Variants in VPS13B observed in about 807,000 individuals in gnomAD.
The protein encoded by VPS13B is vacuolar protein sorting 13 homolog B.
In VPS13B, 285 loss-of-function variants were observed where a neutral mutation model predicts 426.4. The ratio of observed to expected loss-of-function variants is 0.67; its 90% CI spans 0.61 to 0.74. The LOEUF (loss-of-function observed/expected upper bound fraction) is 0.74, where lower values mean the gene tolerates loss of function less well. Among genes scored for constraint, VPS13B ranks in the 30% least tolerant of loss-of-function variants. VPS13B has a pLI of 0.00. For missense variants in VPS13B, 4,537 were observed against 4,782.6 expected (o/e 0.95, Z 1.51); for synonymous variants, 1,676 against 1,676.4 (o/e 1.00, Z 0.01).
chr8:99,810,657 C>G (rs891204775), intron 44 of VPS13B, among the ~76,000 whole-genome samples: 1 of 152,088 alleles, frequency 6.6e-6, no homozygotes, highest in Non-Finnish European at 1.5e-5. Flanking sequence ...TTATTGATTG[C>G]CTAAAGTGGA....
intron 17 of VPS13B, among the ~76,000 whole-genome samples, chr8:99,242,103 C>A (rs1172723318): frequency 1.3e-5 from 2 of 152,078 alleles, no homozygotes; most frequent in Admixed American, 6.6e-5. Flanking sequence ...GCCTCAGCCT[C>A]CCAAGTAGCT....
chr8:99,045,178 GA>G (rs1214806370), intron 3 of VPS13B, among the ~76,000 whole-genome samples: 1 of 152,146 alleles, frequency 6.6e-6, no homozygotes, highest in Non-Finnish European at 1.5e-5. Context: ...CAGCAGTGTA[GA>G]AGTGTTCCTG....
At chr8:99,793,071 G>A (rs1027908600) in intron 43 of VPS13B, among the ~76,000 whole-genome samples, 64 of 150,548 alleles carry the variant, frequency 4.3e-4, no homozygotes, top group African/African-American at 1.4e-3. Context: ...AGGCATGGTG[G>A]TGCACACCTG....
intron 33 of VPS13B, among the ~76,000 whole-genome samples, chr8:99,589,624 G>C (rs1047133794): frequency 6.6e-6 from 1 of 151,636 alleles, no homozygotes. Flanking sequence ...ATTTCGGTTG[G>C]TTCCAAGTCT....
intron 36 of VPS13B, among the ~76,000 whole-genome samples, chr8:99,715,681 A>T (rs1305108437): frequency 6.6e-6 from 1 of 152,220 alleles, no homozygotes; most frequent in Non-Finnish European, 1.5e-5. Context: ...GTGGGGTTGT[A>T]CAAAGATATG....
At chr8:99,186,732 C>T (rs530155121) in intron 16 of VPS13B, among the ~76,000 whole-genome samples, 1 of 151,998 alleles carries the variant, frequency 6.6e-6, no homozygotes, top group South Asian at 2.1e-4. Context: ...AAAGACATAT[C>T]CTGTGTGTAT....
intron 3 of VPS13B, among the ~76,000 whole-genome samples, chr8:99,044,853 T>TACACACACACACACAC (rs60056711): frequency 1.5e-4 from 21 of 139,886 alleles, no homozygotes; most frequent in African/African-American, 5.2e-4. Context: ...TTCCATTTTA[T>TACACACACACACACAC]ACACACACAC....
intron 8 of VPS13B, among the ~76,000 whole-genome samples, chr8:99,122,125 C>T (rs978827242): frequency 2.0e-5 from 3 of 151,402 alleles, no homozygotes; most frequent in Admixed American, 1.3e-4. Context: ...TCCCAATGTG[C>T]TAGGATTACA....
At chr8:99,500,072 G>A (rs2133605562) in intron 25 of VPS13B, among the ~76,000 whole-genome samples, 1 of 152,214 alleles carries the variant, frequency 6.6e-6, no homozygotes, top group African/African-American at 2.4e-5. Context: ...GTTTTGTACA[G>A]GATTTTAATT....
intron 35 of VPS13B, among the ~76,000 whole-genome samples, chr8:99,670,721 G>A (rs1830679738): frequency 6.6e-6 from 1 of 151,954 alleles, no homozygotes; most frequent in South Asian, 2.1e-4. Flanking sequence ...ATATATAAGT[G>A]AAATCATGCA....
intron 19 of VPS13B, among the ~76,000 whole-genome samples, chr8:99,350,109 G>C (rs1453001498): frequency 2.0e-5 from 3 of 152,096 alleles, no homozygotes; most frequent in African/African-American, 7.2e-5. Context: ...AGATATGAAG[G>C]AATTCGTGTA....
chr8:99,553,827 T>C (rs908016329), intron 30 of VPS13B, among the ~76,000 whole-genome samples: 1 of 152,066 alleles, frequency 6.6e-6, no homozygotes, highest in Non-Finnish European at 1.5e-5. Context: ...ATATCAAATA[T>C]ATAGTTTAAT....
chr8:99,276,960 A>G (rs912550629), intron 19 of VPS13B, among the ~76,000 whole-genome samples: 2 of 152,090 alleles, frequency 1.3e-5, no homozygotes, highest in African/African-American at 4.8e-5. Context: ...TAATAAGTTG[A>G]GTGTATTTAA....
chr8:99,788,383 T>TAAAAAAA (rs5893498), intron 43 of VPS13B, among the ~76,000 whole-genome samples: 2 of 102,910 alleles, frequency 1.9e-5, no homozygotes, highest in Non-Finnish European at 4.0e-5. Flanking sequence ...GACCCCATCT[T>TAAAAAAA]AAAAAAAAAA....
chr8:99,756,391 C>A (rs1447546115), intron 39 of VPS13B, among the ~76,000 whole-genome samples: 1 of 152,028 alleles, frequency 6.6e-6, no homozygotes, highest in Non-Finnish European at 1.5e-5. Flanking sequence ...CCAATATATG[C>A]ATAGGGGAAG....
chr8:99,697,137 C>T, intron 35 of VPS13B: 1 of 533,062 alleles, frequency 1.9e-6, no homozygotes, highest in Admixed American at 2.8e-5. Context: ...CAAGTCCATA[C>T]TGCAGACTCT....
In VPS13B at chr8:99,781,680, C is replaced by A. The variant is rs1233582702; in HGVS notation, c.7780-2635C>A. Among the ~76,000 whole-genome samples the A allele has an allele frequency of 2.6e-5, 4 of 152,026 alleles. No individual in the cohort carries two copies. The East Asian group carries it at 7.7e-4, about 29-fold the overall frequency. On this transcript the variant is annotated intron_variant, in intron 42 of 61. Coordinates refer to ENST00000357162, the MANE Select transcript of VPS13B (RefSeq NM_152564.5). Reference sequence around the variant, plus strand: ...CTTTAATTTACATTTTTTCCTAAAACCCTCATCATTTATTAAAGGTCAGTT... The same window carrying A: ...CTTTAATTTACATTTTTTCCTAAAAACCTCATCATTTATTAAAGGTCAGTT...
chr8:99,110,633 GCT>G (rs1847309395), intron 5 of VPS13B, among the ~76,000 whole-genome samples: 1 of 151,738 alleles, frequency 6.6e-6, no homozygotes, highest in African/African-American at 2.4e-5. Context: ...GCCACATATG[GCT>G]GGTGGCTACC....
chr8:99,457,963 C>T lies in VPS13B; in HGVS notation c.3446-9451C>T, dbSNP rs1303675415. Reference sequence around the variant, plus strand: ...TAAGTTTTAGGGTACATGTGCACAACGTGCAGGTTTGTTACATATGTATAC... The same window carrying T: ...TAAGTTTTAGGGTACATGTGCACAATGTGCAGGTTTGTTACATATGTATAC... On this transcript the variant is annotated intron_variant, in intron 23 of 61. Coordinates refer to ENST00000357162, the MANE Select transcript of VPS13B (RefSeq NM_152564.5). 7.2e-5 allele frequency among the ~76,000 whole-genome samples: 11 copies of T among 151,986 alleles called. No homozygotes were observed. The South Asian group carries it at 1.0e-3, about 14-fold the overall frequency.
Sources: allele counts gnomAD v4.1 joint callset (sites outside exome capture counted in the v4.1 genomes callset), GRCh38; gene constraint gnomAD v4.1.1; transcripts MANE v1.5; gene names NCBI Gene and HGNC (gene_info 2026-07-23, HGNC 2026-07-21).